SMC2: variants seen among roughly 807,000 people sequenced by gnomAD.
SMC2 encodes the protein structural maintenance of chromosomes 2.
SMC2 carries 41 observed loss-of-function variants against 142.6 expected under a neutral mutation model. The ratio of observed to expected loss-of-function variants is 0.29; its 90% CI spans 0.22 to 0.37. The LOEUF (loss-of-function observed/expected upper bound fraction) is 0.37. Among genes scored for constraint, SMC2 ranks in the 10% least tolerant of loss-of-function variants. The pLI is 1.00. For synonymous variants in SMC2, 463 were observed against 457.5 expected (o/e 1.01, Z -0.15); for missense variants, 1,265 against 1,373.7 (o/e 0.92, Z 1.25).
chr9:104,134,604 T>TATAATG, intron 23 of SMC2, 29 bp downstream of exon 23: 1 of 1,453,174 alleles, frequency 6.9e-7, no homozygotes, highest in South Asian at 1.3e-5. Context: ...ATATTATAAT[T>TATAATG]TTCATTCCTC....
upstream of SMC2, among the ~76,000 whole-genome samples, chr9:104,091,601 T>C (rs78069671): frequency 3.7e-3 from 564 of 152,312 alleles, 4 homozygotes; most frequent in African/African-American, 0.012. Flanking sequence ...TCATTATCAA[T>C]TCATTTCCTT....
chr9:104,088,424 A>G, the SMC2 span, among the ~76,000 whole-genome samples: 1 of 152,108 alleles, frequency 6.6e-6, no homozygotes, highest in Non-Finnish European at 1.5e-5. Context: ...GTCAGAAGAA[A>G]AGTGTGGATA....
At chr9:104,096,873 A>C (rs1830493375) in intron 3 of SMC2, among the ~76,000 whole-genome samples, 1 of 152,174 alleles carries the variant, frequency 6.6e-6, no homozygotes, top group Non-Finnish European at 1.5e-5. Context: ...AGTATGCTCC[A>C]GTTTCCCTCC....
rs148927919 is a variant in SMC2, at chr9:104,095,876, T to G, written c.169-272T>G. On this transcript the variant is annotated intron_variant, in intron 2 of 24. Coordinates refer to ENST00000374793, the MANE Select transcript of SMC2 (RefSeq NM_006444.3). ...TGACTAGTGAAAATCTTTGGGACAG[T>G]ATTTCCTTATATCTTGCAAAGTAAC... Among the ~76,000 whole-genome samples, 1,409 of 152,330 alleles carry G rather than the reference T, an allele frequency of 9.2e-3. 18 individuals carry two copies. Among genetic ancestry groups the G allele is most frequent in the Middle Eastern group, 0.014 (4 of 294 alleles).
intron 9 of SMC2, among the ~76,000 whole-genome samples, chr9:104,104,853 A>G (rs1831568293): frequency 6.6e-6 from 1 of 152,240 alleles, no homozygotes; most frequent in Admixed American, 6.5e-5. Flanking sequence ...CATAGCCAGA[A>G]TACATTTCAC....
In SMC2 at chr9:104,114,842, T is replaced by G; in HGVS notation, c.1671+13T>G. 6.3e-7 allele frequency: 1 copy of G among 1,583,228 alleles called. No homozygotes were observed. The highest frequency in any genetic ancestry group is 8.6e-7 in the Non-Finnish European group (1 of 1,169,418). On this transcript the variant is annotated intron_variant, in intron 13 of 24. Coordinates refer to ENST00000374793, the MANE Select transcript of SMC2 (RefSeq NM_006444.3). The stretch of plus-strand genomic sequence containing the variant: ...AGTAGACACAGAAGTAAGTTGATTT[T>G]AATTTTAAAAAATTTAAAATTTGGT...
chr9:104,111,398 T>A lies in SMC2; in HGVS notation c.1021-183T>A, dbSNP rs370547594. 9.8e-5 allele frequency among the ~76,000 whole-genome samples: 15 copies of A among 152,316 alleles called. No homozygotes were observed. The South Asian group carries it at 3.1e-3, about 32-fold the overall frequency. On this transcript the variant is annotated intron_variant, in intron 9 of 24. Coordinates refer to ENST00000374793, the MANE Select transcript of SMC2 (RefSeq NM_006444.3). ...ACCAGTAGTATAAGAGTTATATTTATTCTAAAAACTGAGAGTGAATTTCAA... is the reference window on the plus strand; with the variant it reads ...ACCAGTAGTATAAGAGTTATATTTAATCTAAAAACTGAGAGTGAATTTCAA...
intron 8 of SMC2, 26 bp from the exon 9 acceptor site, chr9:104,102,398 A>G (rs772089830): frequency 6.4e-7 from 1 of 1,574,386 alleles, no homozygotes; most frequent in Admixed American, 2.0e-5. Flanking sequence ...TACATAAGTG[A>G]TTGAATTGAC....
chr9:104,094,545 G>T, intron 1 of SMC2, 68 bp downstream of exon 1: 1 of 303,790 alleles, frequency 3.3e-6, no homozygotes, highest in Non-Finnish European at 5.8e-6. Flanking sequence ...CGGGAGGCGG[G>T]AGGCGGGGCG....
intron 9 of SMC2, among the ~76,000 whole-genome samples, chr9:104,106,182 T>C (rs1341808834): frequency 6.6e-6 from 1 of 152,134 alleles, no homozygotes; most frequent in Non-Finnish European, 1.5e-5. Flanking sequence ...GCATGGAAAG[T>C]CCACTATATT....
chr9:104,125,774 T>C (rs1307409157), intron 18 of SMC2, among the ~76,000 whole-genome samples: 1 of 152,222 alleles, frequency 6.6e-6, no homozygotes, highest in Non-Finnish European at 1.5e-5. Context: ...TTATATCTTT[T>C]AGCTAATGCC....
intron 1 of SMC2, 21 bp from the exon 2 acceptor site, chr9:104,095,303 T>C: frequency 9.3e-7 from 1 of 1,071,182 alleles, no homozygotes; most frequent in Non-Finnish European, 1.4e-6. Flanking sequence ...ACTTAGGTGG[T>C]GGTATTTCTG....
chr9:104,092,340 G>A (rs921792333), upstream of SMC2: 2 of 152,208 alleles, frequency 1.3e-5, no homozygotes, highest in Admixed American at 6.5e-5. Flanking sequence ...TTTCATCCAT[G>A]TGACGTAAGT....
chr9:104,121,140 C>G (rs994974089), intron 16 of SMC2, among the ~76,000 whole-genome samples: 2 of 137,998 alleles, frequency 1.4e-5, no homozygotes, highest in Non-Finnish European at 3.0e-5. Flanking sequence ...GGAGAATAGT[C>G]CCCACTTGAA....
rs1378306412 is a variant in SMC2, at chr9:104,114,092, T to G, written c.1532+11T>G. On this transcript the variant is annotated intron_variant, in intron 12 of 24. Coordinates refer to ENST00000374793, the MANE Select transcript of SMC2 (RefSeq NM_006444.3). Reference sequence around the variant, plus strand: ...TCGATTTGCATACAAGTAAGAGACTTAAGCCTTGAATTTTAACATAGTAAT... The same window carrying G: ...TCGATTTGCATACAAGTAAGAGACTGAAGCCTTGAATTTTAACATAGTAAT... 2 of 1,384,810 alleles carry G rather than the reference T, an allele frequency of 1.4e-6. No individual in the cohort carries two copies. The highest frequency in any genetic ancestry group is 4.4e-5 in the Admixed American group (2 of 45,584). The allele number at this position is 1,384,810 out of a possible 1,614,324, so 85.8% of individuals were successfully genotyped here.
At chr9:104,135,723 T>A in intron 23 of SMC2, 3 of 407,424 alleles carry the variant, frequency 7.4e-6, no homozygotes, top group Middle Eastern at 7.2e-4. Context: ...TGAACAAAAA[T>A]AAAAATGACT....
At position 104,138,075 on chromosome 9, in the gene SMC2, T is replaced by A; in HGVS notation, c.3327T>A (p.Ile1109=). 1 of 1,610,512 alleles carries A rather than the reference T, an allele frequency of 6.2e-7. No individual in the cohort carries two copies. Among genetic ancestry groups the A allele is most frequent in the Non-Finnish European group, 8.5e-7 (1 of 1,177,656 alleles). The change falls in exon 24 of 25, where the codon ATT becomes ATA. Residue 1109 remains isoleucine (I), a synonymous_variant. Transcript: ENST00000374793. The part of the protein sequence containing the change: ...LSMLLFKPAP[I]YILDEVDAAL... ...TGCTTCTCTTCAAACCTGCTCCAAT[T>A]TATATCCTTGATGAGGTAGATGCAG...
chr9:104,093,957 G>A (rs1228543898), upstream of SMC2, among the ~76,000 whole-genome samples: 3 of 152,222 alleles, frequency 2.0e-5, no homozygotes, highest in Non-Finnish European at 4.4e-5. Flanking sequence ...AGAAAAGTAA[G>A]CCACAGCCAG....
At chr9:104,098,325 A>G in intron 3 of SMC2, 121 bp from the exon 4 acceptor site, 1 of 730,680 alleles carries the variant, frequency 1.4e-6, no homozygotes, top group East Asian at 3.2e-5. Flanking sequence ...CTATTTATGC[A>G]GAATTGGTTT....
Sources: gnomAD v4.1 joint callset for allele counts (sites outside exome capture counted in the v4.1 genomes callset) on GRCh38, gnomAD v4.1.1 for gene constraint, MANE v1.5 for transcripts, NCBI Gene and HGNC (gene_info 2026-07-23, HGNC 2026-07-21) for gene names.